The following TGFBR2 variants were observed in gnomAD, a reference collection of about 807,000 sequenced individuals.
The protein encoded by TGFBR2 is TGF-beta receptor type-2.
A neutral mutation model predicts 49.0 loss-of-function variants in TGFBR2; 18 were observed. The observed-to-expected ratio is 0.37, with a 90% CI of 0.25 to 0.54. TGFBR2 has a LOEUF of 0.54. Ranked by LOEUF, TGFBR2 falls within the 20% of genes least tolerant of loss-of-function variation. The pLI, the probability that TGFBR2 is intolerant of heterozygous loss-of-function variation, is 0.85. For synonymous variants in TGFBR2, 282 were observed against 275.9 expected, an observed-to-expected ratio of 1.02 and a Z score of -0.22; for missense variants, 525 against 722.6, an observed-to-expected ratio of 0.73 and a Z score of 3.13.
At chr3:30,632,614 A>G (rs1422250371) in intron 1 of TGFBR2, among the ~76,000 whole-genome samples, 1 of 152,224 alleles carries the variant, frequency 6.6e-6, no homozygotes, top group Non-Finnish European at 1.5e-5. Flanking sequence ...TAGATTTACC[A>G]AACTCATACT....
chr3:30,658,476 C>G (rs1699049965), intron 3 of TGFBR2, among the ~76,000 whole-genome samples: 1 of 152,040 alleles, frequency 6.6e-6, no homozygotes, highest in Non-Finnish European at 1.5e-5. Flanking sequence ...GCTTAGAAAC[C>G]AGGACTTGAG....
At chr3:30,642,904 C>T (rs553577579) in intron 1 of TGFBR2, among the ~76,000 whole-genome samples, 134 of 152,254 alleles carry the variant, frequency 8.8e-4, no homozygotes, top group African/African-American at 3.0e-3. Flanking sequence ...CTGGGAGACA[C>T]TGAGAATTTC....
intron 1 of TGFBR2, among the ~76,000 whole-genome samples, chr3:30,616,288 A>G (rs1464854772): frequency 6.6e-6 from 1 of 152,208 alleles, no homozygotes; most frequent in Non-Finnish European, 1.5e-5. Flanking sequence ...GTTATTTCAC[A>G]AAACCAAAAT....
At chr3:30,616,031 C>T (rs1424334028) in intron 1 of TGFBR2, among the ~76,000 whole-genome samples, 1 of 152,172 alleles carries the variant, frequency 6.6e-6, no homozygotes, top group Non-Finnish European at 1.5e-5. Flanking sequence ...GTGTAAGCCA[C>T]TGCACCCGGC....
intron 1 of TGFBR2, among the ~76,000 whole-genome samples, chr3:30,618,557 G>A (rs895783234): frequency 2.2e-4 from 33 of 152,098 alleles, no homozygotes; most frequent in Admixed American, 1.8e-3. Context: ...TTTCTATATC[G>A]AACTCACTGC....
intron 1 of TGFBR2, chr3:30,626,353 C>T (rs1049100500): frequency 6.6e-6 from 1 of 152,154 alleles, no homozygotes; most frequent in Non-Finnish European, 1.5e-5. Context: ...AAGCATACCT[C>T]ACAGTAAAGA....
intron 3 of TGFBR2, among the ~76,000 whole-genome samples, chr3:30,666,294 A>G (rs1317341952): frequency 6.6e-6 from 1 of 152,206 alleles, no homozygotes; most frequent in Non-Finnish European, 1.5e-5. Flanking sequence ...CAATAGTGCA[A>G]CAATTATGTT....
At chr3:30,658,544 G>T (rs924699746) in intron 3 of TGFBR2, among the ~76,000 whole-genome samples, 4 of 152,188 alleles carry the variant, frequency 2.6e-5, no homozygotes, top group African/African-American at 9.7e-5. Context: ...CAGACCATAA[G>T]ATGTATGCCC....
At chr3:30,621,608 A>G (rs1334410879) in intron 1 of TGFBR2, among the ~76,000 whole-genome samples, 1 of 152,114 alleles carries the variant, frequency 6.6e-6, no homozygotes, top group Non-Finnish European at 1.5e-5. Flanking sequence ...AAGTCTTAAT[A>G]TTCTGTGGCA....
At chr3:30,625,677 A>G (rs952325879) in intron 1 of TGFBR2, among the ~76,000 whole-genome samples, 5 of 152,218 alleles carry the variant, frequency 3.3e-5, no homozygotes, top group Non-Finnish European at 1.5e-5. Flanking sequence ...CCTGCAGCCA[A>G]TTATGTTTAT....
rs7627490 is a variant in TGFBR2, at chr3:30,609,075, A to G, written c.94+2098A>G. Among the ~76,000 whole-genome samples, 1,387 of 152,338 alleles carry G rather than the reference A, an allele frequency of 9.1e-3. 22 individuals carry two copies. The highest frequency in any genetic ancestry group is 0.031 in the African/African-American group (1,306 of 41,584). ...ATACACACTTTTAAACAATTAGCTT[A>G]AAAACGTGGTGGCTTTTTATTTGGG... On this transcript the variant is annotated intron_variant, in intron 1 of 6. Coordinates refer to ENST00000295754, the MANE Select transcript of TGFBR2 (RefSeq NM_003242.6).
At chr3:30,636,155 ATGTGTGTGTGTGTGTGTG>A (rs61296907) in intron 1 of TGFBR2, among the ~76,000 whole-genome samples, 1,739 of 134,722 alleles carry the variant, frequency 0.013, 37 homozygotes, top group African/African-American at 0.045. Context: ...ATATATATGT[ATGTGTGTGTGTGTGTGTG>A]TGTGTGTGTG....
rs369151798 is a variant in TGFBR2 at position 30,672,422 on chromosome 3, G to T, written c.1239G>T (p.Leu413=). The T allele has an allele frequency of 5.6e-6, 9 of 1,614,204 alleles. No homozygotes were observed. The highest frequency in any genetic ancestry group is 7.6e-6 in the Non-Finnish European group (9 of 1,180,030). Residue 413 remains leucine, a synonymous_variant, in exon 4 of 7, where the codon CTG becomes CTT. Coordinates refer to ENST00000295754, the MANE Select transcript of TGFBR2 (RefSeq NM_003242.6). This position sits in a 1 kb window ranked among gnomAD's most constrained non-coding sequence, Gnocchi z 4.5. Reference sequence around the variant, plus strand: ...ACCCTACTCTGTCTGTGGATGACCTGGCTAACAGTGGGCAGGTAAGTTAGA... The same window carrying T: ...ACCCTACTCTGTCTGTGGATGACCTTGCTAACAGTGGGCAGGTAAGTTAGA... ...RLDPTLSVDD[L]ANSGQVGTAR...
At chr3:30,623,522 A>G (rs1246494812) in intron 1 of TGFBR2, among the ~76,000 whole-genome samples, 1 of 152,208 alleles carries the variant, frequency 6.6e-6, no homozygotes, top group Non-Finnish European at 1.5e-5. Flanking sequence ...CCATCATAAG[A>G]GATTTCAAAC....
At chr3:30,623,219 A>G (rs1698266302) in intron 1 of TGFBR2, 1 of 1,594,504 alleles carries the variant, frequency 6.3e-7, no homozygotes, top group South Asian at 1.1e-5. Flanking sequence ...GGAGGCCCAG[A>G]AAGATGAAAT....
At chr3:30,680,820 A>G (rs1411268948) in intron 5 of TGFBR2, among the ~76,000 whole-genome samples, 1 of 152,252 alleles carries the variant, frequency 6.6e-6, no homozygotes, top group African/African-American at 2.4e-5. Flanking sequence ...CAGCAAGGAC[A>G]GAACTGGAGA....
chr3:30,617,067 T>G (rs1698146249), intron 1 of TGFBR2, among the ~76,000 whole-genome samples: 1 of 139,732 alleles, frequency 7.2e-6, no homozygotes, highest in Non-Finnish European at 1.6e-5. Flanking sequence ...CTAAAGGAAC[T>G]TTCATATTTT....
intron 1 of TGFBR2, among the ~76,000 whole-genome samples, chr3:30,622,491 TA>T (rs1422644185): frequency 6.6e-6 from 1 of 152,028 alleles, no homozygotes; most frequent in Non-Finnish European, 1.5e-5. Flanking sequence ...TGAGAATATG[TA>T]AAATGTCTTT....
intron 5 of TGFBR2, among the ~76,000 whole-genome samples, chr3:30,684,661 T>C (rs906181290): frequency 3.9e-5 from 6 of 152,152 alleles, no homozygotes; most frequent in Non-Finnish European, 5.9e-5. Flanking sequence ...CCTCCCTTCC[T>C]TGTGAAATTA....
Sources: gnomAD v4.1 joint callset for allele counts (sites outside exome capture counted in the v4.1 genomes callset) on GRCh38, gnomAD v4.1.1 for gene constraint, Gnocchi (gnomAD v3.1) non-coding constraint, MANE v1.5 for transcripts, NCBI Gene and HGNC (gene_info 2026-07-23, HGNC 2026-07-21) for gene names.